The following TM9SF2 variants were observed in gnomAD, a reference collection of about 807,000 sequenced individuals.
TM9SF2 encodes transmembrane 9 superfamily member 2, also known as 76 kDa membrane protein.
In TM9SF2, 13 loss-of-function variants were observed where a neutral mutation model predicts 84.9. The observed-to-expected ratio is 0.15, with a 90% CI of 0.10 to 0.24. TM9SF2 has a LOEUF of 0.24. TM9SF2 is among the 10% of genes least tolerant of loss of function. The pLI, the probability that TM9SF2 is intolerant of heterozygous loss-of-function variation, is 1.00. For missense variants in TM9SF2, 562 were observed against 818.5 expected (o/e 0.69, Z 3.82); for synonymous variants, 273 against 285.8 (o/e 0.96, Z 0.45).
At chr13:99,550,556 T>C (rs1350836284) in intron 12 of TM9SF2, among the ~76,000 whole-genome samples, 4 of 152,216 alleles carry the variant, frequency 2.6e-5, no homozygotes, top group African/African-American at 9.7e-5. Flanking sequence ...TTCTTCATCC[T>C]ACTCTTAACA....
intron 1 of TM9SF2, among the ~76,000 whole-genome samples, chr13:99,503,259 A>G (rs2046074352): frequency 6.6e-6 from 1 of 152,212 alleles, no homozygotes; most frequent in Admixed American, 6.5e-5. Context: ...AAGATGAAAA[A>G]TATATTTCCT....
chr13:99,559,601 T>A, intron 16 of TM9SF2, 67 bp downstream of exon 16: 3 of 1,422,850 alleles, frequency 2.1e-6, no homozygotes, highest in Non-Finnish European at 2.8e-6. Context: ...TATAAATGTT[T>A]GTCTTTTTTA....
chr13:99,513,670 AGCTTACT>A (rs1382182984), intron 1 of TM9SF2, among the ~76,000 whole-genome samples: 1 of 152,240 alleles, frequency 6.6e-6, no homozygotes, highest in Non-Finnish European at 1.5e-5. Flanking sequence ...ATTCTAATCC[AGCTTACT>A]GCTTGTTTTT....
chr13:99,544,551 C>A (rs954407638), intron 10 of TM9SF2, among the ~76,000 whole-genome samples: 23 of 152,248 alleles, frequency 1.5e-4, no homozygotes, highest in Non-Finnish European at 2.4e-4. Flanking sequence ...GTCCTTAAGA[C>A]CATCAGCATC....
rs138562477 is a variant in TM9SF2 at position 99,518,650 on chromosome 13, G to A, written c.239+969G>A. 3.0e-4 allele frequency among the ~76,000 whole-genome samples: 46 copies of A among 152,276 alleles called. No homozygotes were observed. The East Asian group carries it at 8.5e-3, about 28-fold the overall frequency. On this transcript the variant is annotated intron_variant, in intron 2 of 16. Transcript: ENST00000376387. ...CTTGCTCTGTTGCCCAGGCTGGAGT[G>A]CAGTGGCACGATCATGGCTCACTGC... is the stretch of plus-strand genomic sequence containing the variant.
chr13:99,517,741 A>G (rs963122004), intron 2 of TM9SF2, 60 bp downstream of exon 2: 3 of 1,207,420 alleles, frequency 2.5e-6, no homozygotes, highest in African/African-American at 3.1e-5. Context: ...AATTTTGTAC[A>G]TTGAGAACTT....
chr13:99,534,522 A>G (rs923391719), intron 4 of TM9SF2, among the ~76,000 whole-genome samples: 1 of 152,214 alleles, frequency 6.6e-6, no homozygotes, highest in East Asian at 1.9e-4. Context: ...TTAAATGCCA[A>G]CTTTCTTTGC....
At chr13:99,539,931 A>G (rs2046250927) in intron 7 of TM9SF2, among the ~76,000 whole-genome samples, 1 of 152,230 alleles carries the variant, frequency 6.6e-6, no homozygotes, top group Non-Finnish European at 1.5e-5. Flanking sequence ...AGAGCTTCCA[A>G]TTGGTAGATT....
Position 99,536,609 on chromosome 13 carries a change from A to T in TM9SF2, c.463A>T (p.Ile155Phe). 1 of 1,613,026 alleles carries T rather than the reference A, an allele frequency of 6.2e-7. No individual in the cohort carries two copies. Among genetic ancestry groups the T allele is most frequent in the Non-Finnish European group, 8.5e-7 (1 of 1,179,336 alleles). Residue 155 changes from isoleucine (I) to phenylalanine (F), a missense_variant and splice_region_variant, in exon 5 of 17, where the codon ATT becomes TTT. By Grantham distance (21) the Ile-to-Phe change is conservative. Coordinates refer to ENST00000376387, the MANE Select transcript of TM9SF2 (RefSeq NM_004800.3). ...SMLLNYQHHW[I>F]VDNMPVTWCY... The stretch of plus-strand genomic sequence containing the variant: ...CTTAACTCCTCTTTCCATGTGTAGG[A>T]TTGTGGATAATATGCCTGTAACGTG...
At chr13:99,525,159 A>C (rs1251616374) in intron 3 of TM9SF2, among the ~76,000 whole-genome samples, 2 of 152,200 alleles carry the variant, frequency 1.3e-5, no homozygotes, top group Non-Finnish European at 2.9e-5. Flanking sequence ...CACATCTACA[A>C]CTGTCTTGAG....
At position 99,555,629 on chromosome 13, in the gene TM9SF2, T is replaced by C; in HGVS notation, c.1734T>C (p.Tyr578=). 1 of 1,613,180 alleles carries C rather than the reference T, an allele frequency of 6.2e-7. No individual in the cohort carries two copies. The highest frequency in any genetic ancestry group is 8.5e-7 in the Non-Finnish European group (1 of 1,179,192). ...TCSEATILLC[Y]FHLCAEDYHW... The stretch of plus-strand genomic sequence containing the variant: ...CTGAAGCAACTATACTTCTTTGCTA[T>C]TTCCACCTATGTGCAGAGGTATGTA... The change falls in exon 15 of 17, where the codon TAT becomes TAC. Residue 578 remains tyrosine, a synonymous_variant. Transcript: ENST00000376387.
chr13:99,541,448 T>G, intron 8 of TM9SF2, 111 bp from the exon 9 acceptor site: 1 of 709,048 alleles, frequency 1.4e-6, no homozygotes, highest in Non-Finnish European at 2.3e-6. Flanking sequence ...TAGCTTTCAT[T>G]TTGATTTTGA....
At chr13:99,512,664 C>T (rs1305595442) in intron 1 of TM9SF2, among the ~76,000 whole-genome samples, 1 of 152,138 alleles carries the variant, frequency 6.6e-6, no homozygotes, top group Non-Finnish European at 1.5e-5. Flanking sequence ...AGAAGTTTTC[C>T]TGGTCTCTAG....
intron 12 of TM9SF2, among the ~76,000 whole-genome samples, chr13:99,549,670 A>G (rs1272067436): frequency 2.0e-5 from 3 of 152,228 alleles, no homozygotes; most frequent in Non-Finnish European, 4.4e-5. Context: ...AGCAGCCACC[A>G]CAAATCCAAA....
chr13:99,508,441 A>ACACACACACC (rs893789204), intron 1 of TM9SF2, among the ~76,000 whole-genome samples: 141 of 149,036 alleles, frequency 9.5e-4, no homozygotes, highest in South Asian at 8.6e-3. Context: ...ACACACACAC[A>ACACACACACC]CACCCCAGAG....
chr13:99,528,559 T>C (rs1594051763), intron 3 of TM9SF2, among the ~76,000 whole-genome samples: 1 of 152,376 alleles, frequency 6.6e-6, no homozygotes, highest in East Asian at 1.9e-4. Context: ...ATTGTCTCTC[T>C]GCTTAACTTA....
Position 99,540,812 on chromosome 13 carries a change from C to T in TM9SF2, c.908+19C>T. On this transcript the variant is annotated intron_variant, in intron 8 of 16. Coordinates refer to ENST00000376387, the MANE Select transcript of TM9SF2 (RefSeq NM_004800.3). Reference sequence around the variant, plus strand: ...GGTTTAGGTAAGAGTACAGAGTTAGCCTGCTTTTGCTTTCTACTTTTCTAC... The same window carrying T: ...GGTTTAGGTAAGAGTACAGAGTTAGTCTGCTTTTGCTTTCTACTTTTCTAC... The T allele has an allele frequency of 5.6e-6, 9 of 1,602,818 alleles. No homozygotes were observed. Among genetic ancestry groups the T allele is most frequent in the Non-Finnish European group, 7.7e-6 (9 of 1,170,700 alleles).
intron 15 of TM9SF2, among the ~76,000 whole-genome samples, chr13:99,558,515 T>C (rs1446611868): frequency 2.0e-5 from 3 of 152,232 alleles, no homozygotes; most frequent in African/African-American, 7.2e-5. Context: ...AGCAGAATTT[T>C]AGAGTTTTCA....
chr13:99,534,500 A>C (rs964786911), intron 4 of TM9SF2, among the ~76,000 whole-genome samples: 11 of 152,254 alleles, frequency 7.2e-5, no homozygotes, highest in African/African-American at 2.2e-4. Context: ...AAGAAAAAAA[A>C]ATGCCAACTT....
Sources: gnomAD v4.1 joint callset for allele counts (sites outside exome capture counted in the v4.1 genomes callset) on GRCh38, gnomAD v4.1.1 for gene constraint, MANE v1.5 for transcripts, NCBI Gene and HGNC (gene_info 2026-07-23, HGNC 2026-07-21) for gene names.